The following SYT9 variants were observed in gnomAD, a reference collection of about 807,000 sequenced individuals.
SYT9 encodes the protein synaptotagmin 9.
A neutral mutation model predicts 48.4 loss-of-function variants in SYT9; 22 were observed. The observed-to-expected ratio is 0.45, with a 90% CI of 0.32 to 0.65. SYT9 has a LOEUF of 0.65. Ranked by LOEUF, SYT9 falls within the 30% of genes least tolerant of loss-of-function variation. The pLI is 0.03. For missense variants in SYT9, 577 were observed against 622.0 expected (o/e 0.93, Z 0.77); for synonymous variants, 265 against 245.0 (o/e 1.08, Z -0.76).
chr11:7,434,915 C>G (rs1265471636), intron 6 of SYT9: 1 of 152,270 alleles, frequency 6.6e-6, no homozygotes, highest in African/African-American at 2.4e-5. Context: ...TTCTCCTGCT[C>G]CTTACAGATA....
chr11:7,265,136 AT>A (rs780498198), intron 1 of SYT9, among the ~76,000 whole-genome samples: 6 of 151,896 alleles, frequency 4.0e-5, no homozygotes, highest in African/African-American at 7.3e-5. Context: ...CTGATTCCCA[AT>A]TTTTTTTGCA....
chr11:7,462,875 T>C (rs918225725), intron 6 of SYT9, among the ~76,000 whole-genome samples: 1 of 152,326 alleles, frequency 6.6e-6, no homozygotes, highest in African/African-American at 2.4e-5. Flanking sequence ...ACTCTGTCTT[T>C]TCATGTTCTT....
chr11:7,350,267 G>A (rs1849887475), intron 3 of SYT9, among the ~76,000 whole-genome samples: 1 of 152,180 alleles, frequency 6.6e-6, no homozygotes, highest in Non-Finnish European at 1.5e-5. Context: ...AATAGCTCAA[G>A]TTGCAGTAGA....
At chr11:7,419,896 A>C (rs1418181692) in intron 5 of SYT9, among the ~76,000 whole-genome samples, 2 of 151,620 alleles carry the variant, frequency 1.3e-5, no homozygotes, top group African/African-American at 4.8e-5. Flanking sequence ...ACTCCATTTC[A>C]AAAAAAAAGA....
intron 3 of SYT9, among the ~76,000 whole-genome samples, chr11:7,316,198 C>T (rs929511887): frequency 6.6e-6 from 1 of 151,594 alleles, no homozygotes; most frequent in Non-Finnish European, 1.5e-5. Flanking sequence ...ATGAACAGGC[C>T]TGAACCCACC....
At chr11:7,265,449 G>C (rs1228659529) in intron 1 of SYT9, among the ~76,000 whole-genome samples, 1 of 152,094 alleles carries the variant, frequency 6.6e-6, no homozygotes. Context: ...CAACTGCCCT[G>C]TCCCAAGATT....
chr11:7,394,674 T>G (rs1305482343), intron 3 of SYT9, among the ~76,000 whole-genome samples: 1 of 132,136 alleles, frequency 7.6e-6, no homozygotes, highest in Admixed American at 7.9e-5. Flanking sequence ...AGTCTCAAGT[T>G]TTTTTTAGTT....
chr11:7,334,116 A>G (rs985384107), intron 3 of SYT9, among the ~76,000 whole-genome samples: 10 of 152,196 alleles, frequency 6.6e-5, no homozygotes, highest in African/African-American at 9.6e-5. Flanking sequence ...AGGAACAGGA[A>G]TGTGGAAAGG....
chr11:7,422,143 T>C (rs1564898319), intron 6 of SYT9, among the ~76,000 whole-genome samples: 1 of 152,160 alleles, frequency 6.6e-6, no homozygotes, highest in South Asian at 2.1e-4. Flanking sequence ...CTGCCATTGA[T>C]AGTCAGGTGA....
At chr11:7,254,260 C>T (rs1288647323) in intron 1 of SYT9, among the ~76,000 whole-genome samples, 1 of 152,158 alleles carries the variant, frequency 6.6e-6, no homozygotes, top group Non-Finnish European at 1.5e-5. Flanking sequence ...TTTGAAGTAG[C>T]CCCATGCCCC....
At chr11:7,383,478 T>A (rs1309478158) in intron 3 of SYT9, among the ~76,000 whole-genome samples, 1 of 152,144 alleles carries the variant, frequency 6.6e-6, no homozygotes, top group Non-Finnish European at 1.5e-5. Context: ...CTCGAAACTT[T>A]CCTTCATTTG....
intron 3 of SYT9, among the ~76,000 whole-genome samples, chr11:7,383,093 T>C (rs1850596468): frequency 1.3e-5 from 2 of 152,110 alleles, no homozygotes; most frequent in African/African-American, 4.8e-5. Context: ...AGGAATAGAG[T>C]TGGCATTTCT....
At chr11:7,307,296 T>C (rs1269717711) in intron 2 of SYT9, among the ~76,000 whole-genome samples, 1 of 152,246 alleles carries the variant, frequency 6.6e-6, no homozygotes, top group African/African-American at 2.4e-5. Flanking sequence ...TATTAAGTTA[T>C]ATTTTTGTGT....
rs1312214720 is a variant in SYT9 at position 7,466,807 on chromosome 11, G to A, written c.*7G>A. ...CTTCCTGCAGAAACGATGACCATGGGTAAGAGGACTGCTTGTGCCAAGGAC... is the reference window on the plus strand; with the variant it reads ...CTTCCTGCAGAAACGATGACCATGGATAAGAGGACTGCTTGTGCCAAGGAC... On this transcript the variant is annotated 3_prime_UTR_variant, in exon 7 of 7. Transcript: ENST00000318881. 1.9e-6 allele frequency: 3 copies of A among 1,613,220 alleles called. No individual in the cohort carries two copies. Among genetic ancestry groups the A allele is most frequent in the Non-Finnish European group, 2.5e-6 (3 of 1,179,778 alleles).
intron 1 of SYT9, among the ~76,000 whole-genome samples, chr11:7,269,771 G>A (rs1215329349): frequency 1.3e-5 from 2 of 152,176 alleles, no homozygotes; most frequent in Non-Finnish European, 2.9e-5. Context: ...GTTGAGAAAT[G>A]TAGTCTTTTA....
chr11:7,372,199 A>T (rs1850373953), intron 3 of SYT9, among the ~76,000 whole-genome samples: 1 of 152,156 alleles, frequency 6.6e-6, no homozygotes, highest in African/African-American at 2.4e-5. Flanking sequence ...AACCATTCTG[A>T]TGATGGCATT....
intron 3 of SYT9, among the ~76,000 whole-genome samples, chr11:7,337,990 CT>C (rs1849656736): frequency 6.6e-6 from 1 of 152,166 alleles, no homozygotes; most frequent in African/African-American, 2.4e-5. Flanking sequence ...CTCTCTGTCC[CT>C]GCACTTGTTT....
chr11:7,290,123 A>G (rs1848672196), intron 1 of SYT9, among the ~76,000 whole-genome samples: 1 of 152,214 alleles, frequency 6.6e-6, no homozygotes, highest in Non-Finnish European at 1.5e-5. Context: ...GCTTTTAACC[A>G]CAGACAAGGG....
intron 1 of SYT9, among the ~76,000 whole-genome samples, chr11:7,276,901 A>AG (rs1293842916): frequency 2.0e-5 from 3 of 151,962 alleles, no homozygotes; most frequent in Admixed American, 6.6e-5. Flanking sequence ...CGAAAAAAAA[A>AG]AAAATAGCTG....
Sources: gnomAD v4.1 joint callset for allele counts (sites outside exome capture counted in the v4.1 genomes callset) on GRCh38, gnomAD v4.1.1 for gene constraint, MANE v1.5 for transcripts, NCBI Gene and HGNC (gene_info 2026-07-23, HGNC 2026-07-21) for gene names.